The following ABTB3 variants were observed in gnomAD, a reference collection of about 807,000 sequenced individuals.
The protein encoded by ABTB3 is ankyrin repeat and BTB domain containing 3.
the ABTB3 span, among the ~76,000 whole-genome samples, chr12:107,467,253 G>A: frequency 3.7e-3 from 569 of 152,160 alleles, 3 homozygotes; most frequent in African/African-American, 0.013. Flanking sequence ...CAAGTCATCC[G>A]CACAGCTGTC....
At chr12:107,478,289 A>G in the ABTB3 span, among the ~76,000 whole-genome samples, 1 of 152,174 alleles carries the variant, frequency 6.6e-6, no homozygotes. Context: ...ATTTTTAAGG[A>G]CAAATGGTCT....
the ABTB3 span, among the ~76,000 whole-genome samples, chr12:107,539,297 T>G: frequency 7.9e-5 from 12 of 152,104 alleles, no homozygotes; most frequent in Non-Finnish European, 1.6e-4. Flanking sequence ...TATCTTTGAG[T>G]TTTCTTCTAG....
chr12:107,647,777 T>C, the ABTB3 span, among the ~76,000 whole-genome samples: 24 of 152,192 alleles, frequency 1.6e-4, no homozygotes, highest in African/African-American at 5.8e-4. Context: ...CACAATTCCA[T>C]GAGGCAGGTA....
At chr12:107,590,485 G>T in the ABTB3 span, among the ~76,000 whole-genome samples, 1 of 152,174 alleles carries the variant, frequency 6.6e-6, no homozygotes, top group Non-Finnish European at 1.5e-5. Flanking sequence ...AACTAAGATC[G>T]AAAGAGGTCA....
At chr12:107,518,281 A>G in the ABTB3 span, among the ~76,000 whole-genome samples, 3 of 152,194 alleles carry the variant, frequency 2.0e-5, no homozygotes, top group Non-Finnish European at 4.4e-5. Flanking sequence ...AAAGGATTAT[A>G]AATCATGCTG....
At chr12:107,467,101 G>A in the ABTB3 span, among the ~76,000 whole-genome samples, 1,390 of 152,274 alleles carry the variant, frequency 9.1e-3, 11 homozygotes, top group Non-Finnish European at 0.015. Context: ...CAGCCAACAC[G>A]TGGTGAAACC....
chr12:107,399,459 C>G, the ABTB3 span, among the ~76,000 whole-genome samples: 1 of 152,072 alleles, frequency 6.6e-6, no homozygotes, highest in African/African-American at 2.4e-5. Context: ...GACTCATACT[C>G]AGGGCTGGGA....
the ABTB3 span, among the ~76,000 whole-genome samples, chr12:107,552,326 G>A: frequency 6.6e-6 from 1 of 152,230 alleles, no homozygotes; most frequent in East Asian, 1.9e-4. Context: ...ATTAGTATTT[G>A]CAGGGTATAA....
At chr12:107,520,461 A>C in the ABTB3 span, 1 of 1,606,596 alleles carries the variant, frequency 6.2e-7, no homozygotes, top group Non-Finnish European at 8.5e-7. Context: ...TTTTCCTTTC[A>C]TTCTCTGTCT....
At chr12:107,406,137 C>A in the ABTB3 span, among the ~76,000 whole-genome samples, 1 of 152,198 alleles carries the variant, frequency 6.6e-6, no homozygotes. Context: ...AGGCTGGGCA[C>A]ACGGTTGTGA....
the ABTB3 span, among the ~76,000 whole-genome samples, chr12:107,547,069 C>A: frequency 6.6e-6 from 1 of 152,038 alleles, no homozygotes; most frequent in African/African-American, 2.4e-5. Flanking sequence ...TGGTGCTTGC[C>A]TGTAGTCCCA....
chr12:107,488,839 C>T, the ABTB3 span, among the ~76,000 whole-genome samples: 3 of 151,966 alleles, frequency 2.0e-5, no homozygotes, highest in African/African-American at 7.3e-5. Context: ...CTCAAAAAGA[C>T]CGTTGGAATG....
At chr12:107,650,864 C>T in the ABTB3 span, 12 of 152,204 alleles carry the variant, frequency 7.9e-5, no homozygotes, top group African/African-American at 2.4e-5. Context: ...TCCTTCTCCA[C>T]TCCCACTGCT....
At chr12:107,463,104 G>A in the ABTB3 span, among the ~76,000 whole-genome samples, 1 of 151,656 alleles carries the variant, frequency 6.6e-6, no homozygotes, top group Admixed American at 6.6e-5. Flanking sequence ...GATGATGATG[G>A]TGATAGTGAT....
chr12:107,544,112 C>T, the ABTB3 span: 1 of 1,614,078 alleles, frequency 6.2e-7, no homozygotes, highest in Non-Finnish European at 8.5e-7. Context: ...AACGTGGAGC[C>T]TTCCAAAGTC....
chr12:107,348,749 G>A, the ABTB3 span, among the ~76,000 whole-genome samples: 2 of 152,034 alleles, frequency 1.3e-5, no homozygotes, highest in Admixed American at 6.6e-5. Flanking sequence ...TCTGTTCAAG[G>A]TCCTATGTTC....
At chr12:107,485,701 A>G in the ABTB3 span, among the ~76,000 whole-genome samples, 1 of 152,174 alleles carries the variant, frequency 6.6e-6, no homozygotes, top group Admixed American at 6.5e-5. Flanking sequence ...CTTCTTTTTT[A>G]TGTTCTCTTG....
At chr12:107,435,478 T>C in the ABTB3 span, among the ~76,000 whole-genome samples, 1,926 of 152,356 alleles carry the variant, frequency 0.013, 47 homozygotes, top group African/African-American at 0.043. Context: ...GTTGACAATC[T>C]TGCTTCTCTG....
At chr12:107,615,170 C>G in the ABTB3 span, 2 of 1,602,688 alleles carry the variant, frequency 1.2e-6, no homozygotes, top group East Asian at 4.5e-5. Context: ...CAGGTATTAA[C>G]GTATTTCCCT....
Sources: gnomAD v4.1 joint callset for allele counts (sites outside exome capture counted in the v4.1 genomes callset) on GRCh38, gnomAD v4.1.1 for gene constraint, MANE v1.5 for transcripts, NCBI Gene and HGNC (gene_info 2026-07-23, HGNC 2026-07-21) for gene names.